Variants in ALG13 observed in about 807,000 individuals in gnomAD.
The protein encoded by ALG13 is ALG13 UDP-N-acetylglucosaminyltransferase subunit, also known as UDP-N-acetylglucosamine transferase subunit ALG13.
In ALG13, 11 loss-of-function variants were observed where a neutral mutation model predicts 87.8. The observed-to-expected ratio is 0.13, with a 90% CI of 0.08 to 0.21. The LOEUF (loss-of-function observed/expected upper bound fraction) is 0.21. Ranked by LOEUF, ALG13 falls within the 10% of genes least tolerant of loss-of-function variation. The probability of loss-of-function intolerance (pLI) is 1.00; values close to 1 mark genes in which losing one functional copy is unlikely to be tolerated. For synonymous variants in ALG13, 320 were observed against 306.3 expected (o/e 1.04, Z -0.47); for missense variants, 756 against 866.1 (o/e 0.87, Z 1.60).
At chrX:111,700,616 A>C (rs1243171400) in intron 3 of ALG13, among the ~76,000 whole-genome samples, 2 of 104,556 alleles carry the variant, frequency 1.9e-5, no homozygotes, top group African/African-American at 7.1e-5. Flanking sequence ...TCACCCTGTC[A>C]TCCAGGCTGG....
chrX:111,690,102 A>G (rs1935868786), intron 3 of ALG13: 1 of 744,643 alleles, frequency 1.3e-6, no homozygotes, highest in Non-Finnish European at 1.6e-6. Context: ...AGTTTTACAG[A>G]TGAGGAAACA....
At chrX:111,739,663 G>A (rs990873555) in intron 23 of ALG13, among the ~76,000 whole-genome samples, 3 of 112,362 alleles carry the variant, frequency 2.7e-5, no homozygotes. Context: ...TTTGTATCCA[G>A]TCAAACTGAT....
Position 111,687,913 on chromosome X carries a change from T to C in ALG13, c.383+2810T>C, listed in dbSNP as rs781571236. ...ACGCTTCCTGGGCTGTTACAGTCAATGGACTTATCAACACTGAAATGTTAT... is the reference window on the plus strand; with the variant it reads ...ACGCTTCCTGGGCTGTTACAGTCAACGGACTTATCAACACTGAAATGTTAT... On this transcript the variant is annotated intron_variant, in intron 3 of 26. Transcript: ENST00000394780. 11 of 1,176,824 alleles carry C rather than the reference T, an allele frequency of 9.3e-6. No homozygotes were observed. Among genetic ancestry groups the C allele is most frequent in the South Asian group, 7.9e-5 (4 of 50,457 alleles).
intron 21 of ALG13, among the ~76,000 whole-genome samples, chrX:111,731,171 A>T (rs1942646263): frequency 8.9e-6 from 1 of 112,107 alleles, no homozygotes; most frequent in Admixed American, 9.4e-5. Flanking sequence ...GTCTCAAAGG[A>T]GGCATCCTAA....
At chrX:111,686,856 TA>T (rs1348010270) in intron 3 of ALG13, among the ~76,000 whole-genome samples, 2 of 112,752 alleles carry the variant, frequency 1.8e-5, no homozygotes. Context: ...ATTTTATTTT[TA>T]TTTTTTTACA....
rs373025706 is a variant in ALG13, at chrX:111,708,062, C to T, written c.419C>T (p.Ala140Val). 2.1e-5 allele frequency: 25 copies of T among 1,208,584 alleles called. No individual in the cohort carries two copies. The highest frequency in any genetic ancestry group is 2.8e-5 in the Non-Finnish European group (25 of 894,545). The change falls in exon 4 of 27, where the codon GCT (alanine) becomes GTT (valine). Residue 140 changes from alanine (A) to valine (V), a missense_variant. Physicochemically the swap from Ala to Val is moderately conservative, Grantham distance 64 (BLOSUM62 0). Coordinates refer to ENST00000394780, the MANE Select transcript of ALG13 (RefSeq NM_001099922.3). ...LTCPGQAKSIASAPGKCQDSA... is the reference protein window; with the variant it reads ...LTCPGQAKSIVSAPGKCQDSA... Reference sequence around the variant, plus strand: ...TGTCCTGGGCAAGCCAAGTCCATTGCTTCTGCTCCTGGGAAGTGCCAAGAT... The same window carrying T: ...TGTCCTGGGCAAGCCAAGTCCATTGTTTCTGCTCCTGGGAAGTGCCAAGAT...
intron 13 of ALG13, 96 bp downstream of exon 13, chrX:111,722,953 T>G: frequency 1.7e-6 from 1 of 595,108 alleles, no homozygotes; most frequent in Non-Finnish European, 2.6e-6. Flanking sequence ...TACTAGAAAC[T>G]TTTTATTTAT....
At chrX:111,708,537 C>A in intron 4 of ALG13, 144 bp downstream of exon 4, 1 of 691,433 alleles carries the variant, frequency 1.4e-6, no homozygotes, top group Non-Finnish European at 2.1e-6. Flanking sequence ...AGAGAAGCTG[C>A]CTGCTCTTAT....
chrX:111,749,734 G>A (rs1208604909), intron 24 of ALG13, among the ~76,000 whole-genome samples: 1 of 110,558 alleles, frequency 9.0e-6, no homozygotes, highest in Non-Finnish European at 1.9e-5. Flanking sequence ...TTTTGGAACT[G>A]TAGTAAACAG....
intron 24 of ALG13, among the ~76,000 whole-genome samples, chrX:111,748,382 T>C (rs1297037405): frequency 1.8e-5 from 2 of 112,224 alleles, no homozygotes; most frequent in Non-Finnish European, 3.8e-5. Context: ...CTAGATTTTC[T>C]CCTATGTTAT....
chrX:111,724,526 G>GATTCTA (rs752694513), intron 14 of ALG13, among the ~76,000 whole-genome samples: 4 of 112,073 alleles, frequency 3.6e-5, no homozygotes, highest in Non-Finnish European at 5.6e-5. Flanking sequence ...GTTCAACAGA[G>GATTCTA]ATTCTATTTT....
chrX:111,726,838 A>G lies in ALG13; in HGVS notation c.1759A>G (p.Lys587Glu). 8.3e-7 allele frequency: 1 copy of G among 1,211,093 alleles called. No individual in the cohort carries two copies. Among genetic ancestry groups the G allele is most frequent in the African/African-American group, 1.7e-5 (1 of 57,635 alleles). Residue 587 changes from lysine (K) to glutamate (E), a missense_variant, in exon 16 of 27, where the codon AAG becomes GAG. Physicochemically the swap from Lys to Glu is moderately conservative, Grantham distance 56. Transcript: ENST00000394780. ...ATCAGAGATGGACATAAAGCAACAG[A>G]AGAAGATGTTCAAGAAAATTCGAGG... ...VISEMDIKQQ[K>E]KMFKKIRGKE...
chrX:111,704,456 C>T (rs181226522), intron 3 of ALG13, among the ~76,000 whole-genome samples: 20 of 112,156 alleles, frequency 1.8e-4, no homozygotes, highest in African/African-American at 6.1e-4. Flanking sequence ...ACCCAAATTT[C>T]TATCAACTAA....
chrX:111,726,859 C>T lies in ALG13; in HGVS notation c.1780C>T (p.Arg594Ter). 1 of 1,210,182 alleles carries T rather than the reference C, an allele frequency of 8.3e-7. No homozygotes were observed. The highest frequency in any genetic ancestry group is 1.1e-6 in the Non-Finnish European group (1 of 894,749). ...KQQKKMFKKI[R>*]GKEVYMTMAY... The stretch of plus-strand genomic sequence containing the variant: ...ACAGAAGAAGATGTTCAAGAAAATT[C>T]GAGGGAAAGAAGTTTACATGACTAT... Residue 594 changes from arginine to a stop codon, truncating the protein, a stop_gained, in exon 16 of 27, where the codon CGA becomes TGA. Transcript: ENST00000394780. LOFTEE classifies it high-confidence loss of function.
intron 21 of ALG13, among the ~76,000 whole-genome samples, chrX:111,731,590 T>G (rs1347097989): frequency 8.9e-6 from 1 of 111,819 alleles, no homozygotes; most frequent in Non-Finnish European, 1.9e-5. Flanking sequence ...TTTCTAAGCT[T>G]GCTACTTACA....
intron 3 of ALG13, chrX:111,688,144 A>G: frequency 1.2e-6 from 1 of 854,978 alleles, no homozygotes; most frequent in Non-Finnish European, 1.4e-6. Flanking sequence ...AGGAAATTTT[A>G]TGTTGTGCAC....
Position 111,742,967 on chromosome X carries a change from G to C in ALG13, c.2696-1701G>C, listed in dbSNP as rs762204664. Among the ~76,000 whole-genome samples, 21 of 112,132 alleles carry C rather than the reference G, an allele frequency of 1.9e-4. No individual in the cohort carries two copies. The South Asian group carries it at 7.7e-3, about 41-fold the overall frequency. On this transcript the variant is annotated intron_variant, in intron 23 of 26. Transcript: ENST00000394780. ...CTCTTCTTAAGTCTGAGGATGAGAA[G>C]CTCATGCATCTCTATAGAAACTTGA... is the stretch of plus-strand genomic sequence containing the variant.
In ALG13 at chrX:111,759,688, G is replaced by T. The variant is rs757497313; in HGVS notation, c.3149-46G>T. ...TTATGTTGCATGGGGTTCTGTTTTG[G>T]TGAATTTTTGTATATAAAGTAGACT... On this transcript the variant is annotated intron_variant, in intron 26 of 26. Coordinates refer to ENST00000394780, the MANE Select transcript of ALG13 (RefSeq NM_001099922.3). 4 of 1,103,186 alleles carry T rather than the reference G, an allele frequency of 3.6e-6. No homozygotes were observed. In the East Asian group the frequency reaches 1.3e-4, roughly 35 times the overall value. The allele number at this position is 1,103,186 out of a possible 1,213,427, so 90.9% of individuals were successfully genotyped here. A position where few individuals can be genotyped will look rare whatever the true frequency, so the allele number is the denominator to read the frequency against.
At chrX:111,691,169 C>T (rs373596511) in intron 3 of ALG13, among the ~76,000 whole-genome samples, 2 of 111,092 alleles carry the variant, frequency 1.8e-5, no homozygotes, top group African/African-American at 3.3e-5. Flanking sequence ...GGCGTGATCT[C>T]GGCTCAGTGC....
Sources: gnomAD v4.1 joint callset for allele counts (sites outside exome capture counted in the v4.1 genomes callset) on GRCh38, gnomAD v4.1.1 for gene constraint, MANE v1.5 for transcripts, NCBI Gene and HGNC (gene_info 2026-07-23, HGNC 2026-07-21) for gene names.